NDC1: variants seen among roughly 807,000 people sequenced by gnomAD.
NDC1 encodes the protein nucleoporin NDC1.
NDC1 carries 24 observed loss-of-function variants against 89.8 expected under a neutral mutation model. That is an observed-to-expected ratio of 0.27 (90% CI 0.19 to 0.38). The LOEUF (loss-of-function observed/expected upper bound fraction) is 0.38. NDC1 is among the 10% of genes least tolerant of loss of function. The pLI, the probability that NDC1 is intolerant of heterozygous loss-of-function variation, is 1.00. For synonymous variants in NDC1, 296 were observed against 284.8 expected (o/e 1.04, Z -0.39); for missense variants, 728 against 797.6 (o/e 0.91, Z 1.05).
At chr1:53,797,971 T>C (rs1647776491) in intron 11 of NDC1, among the ~76,000 whole-genome samples, 1 of 152,004 alleles carries the variant, frequency 6.6e-6, no homozygotes, top group South Asian at 2.1e-4. Flanking sequence ...AAGGCTAATT[T>C]GCCCAGAATA....
intron 16 of NDC1, among the ~76,000 whole-genome samples, chr1:53,785,718 G>A (rs1182608497): frequency 1.3e-5 from 2 of 151,658 alleles, no homozygotes; most frequent in Non-Finnish European, 2.9e-5. Context: ...GACTATAGGT[G>A]CGCACCACCA....
At chr1:53,802,487 C>T (rs764592506) in intron 10 of NDC1, among the ~76,000 whole-genome samples, 4 of 152,056 alleles carry the variant, frequency 2.6e-5, no homozygotes, top group East Asian at 1.9e-4. Flanking sequence ...GGAAACACGG[C>T]AAGACCCTGT....
At chr1:53,805,890 C>T (rs1299590497) in intron 9 of NDC1, among the ~76,000 whole-genome samples, 4 of 152,134 alleles carry the variant, frequency 2.6e-5, no homozygotes, top group South Asian at 2.1e-4. Context: ...CTGGCTAACA[C>T]GGTGAAACCC....
At chr1:53,771,862 T>G (rs1293408827) in intron 17 of NDC1, among the ~76,000 whole-genome samples, 2 of 152,222 alleles carry the variant, frequency 1.3e-5, no homozygotes, top group Non-Finnish European at 2.9e-5. Context: ...TCTCTGGTTC[T>G]GTTTCTCAAG....
chr1:53,835,687 T>C (rs890448551), intron 1 of NDC1, 67 bp from the exon 2 acceptor site: 1 of 1,401,272 alleles, frequency 7.1e-7, no homozygotes, highest in Non-Finnish European at 9.8e-7. Flanking sequence ...GCAAATCCTA[T>C]CTTTTCATAC....
At chr1:53,813,713 A>G (rs1391039931) in intron 6 of NDC1, among the ~76,000 whole-genome samples, 1 of 152,182 alleles carries the variant, frequency 6.6e-6, no homozygotes, top group African/African-American at 2.4e-5. Flanking sequence ...GACACTAGAT[A>G]GGTTATGAGA....
At chr1:53,792,363 G>T (rs1444456028) in intron 14 of NDC1, among the ~76,000 whole-genome samples, 1 of 152,130 alleles carries the variant, frequency 6.6e-6, no homozygotes, top group Admixed American at 6.6e-5. Flanking sequence ...TTTGGTAAAG[G>T]TAATGGCTAG....
chr1:53,821,755 T>C (rs1648676107), intron 5 of NDC1, among the ~76,000 whole-genome samples: 1 of 152,234 alleles, frequency 6.6e-6, no homozygotes. Flanking sequence ...CATGCTGAAG[T>C]GTTTTTCAAT....
Position 53,797,108 on chromosome 1 carries a change from A to G in NDC1, c.1259T>C (p.Met420Thr), listed in dbSNP as rs767523513. Residue 420 changes from methionine (M) to threonine (T), a missense_variant, in exon 12 of 18, where the codon ATG becomes ACG. Physicochemically the swap from Met to Thr is moderately conservative, Grantham distance 81. Transcript: ENST00000371429. ...TAFQTPKSSQ[M>T]PRPSVPPLVK... ...TAATGGTGGCACTGAAGGCCGAGGC[A>G]TCTGGCTAGATTTTGGTGTCTGAAA... 115 of 1,614,070 alleles carry G rather than the reference A, an allele frequency of 7.1e-5. No individual in the cohort carries two copies. Among genetic ancestry groups the G allele is most frequent in the Non-Finnish European group, 9.1e-5 (107 of 1,180,008 alleles).
intron 16 of NDC1, among the ~76,000 whole-genome samples, chr1:53,785,801 C>G (rs984729036): frequency 6.6e-6 from 1 of 152,132 alleles, no homozygotes; most frequent in African/African-American, 2.4e-5. Flanking sequence ...CTCTTCATAT[C>G]TTAAATGGTT....
intron 16 of NDC1, 23 bp downstream of exon 16, chr1:53,787,135 C>A (rs1210698132): frequency 1.4e-6 from 2 of 1,413,092 alleles, no homozygotes; most frequent in Non-Finnish European, 2.0e-6. Context: ...CCTCTACCCC[C>A]TCCCAACCCA....
At chr1:53,831,734 G>C (rs891934707) in intron 3 of NDC1, among the ~76,000 whole-genome samples, 3 of 151,704 alleles carry the variant, frequency 2.0e-5, no homozygotes, top group Admixed American at 6.6e-5. Context: ...GCTTCTTATT[G>C]TATCTTTTTT....
At chr1:53,796,628 G>T in intron 13 of NDC1, 61 bp downstream of exon 13, 6 of 936,906 alleles carry the variant, frequency 6.4e-6, no homozygotes, top group African/African-American at 1.7e-5. Context: ...TTACTCATGT[G>T]AGATCCTTAA....
intron 6 of NDC1, among the ~76,000 whole-genome samples, chr1:53,810,481 G>A (rs76776153): frequency 0.029 from 4,386 of 148,866 alleles, 97 homozygotes; most frequent in Middle Eastern, 0.046. Flanking sequence ...TGCTGAAAAC[G>A]AAATTTGAAT....
intron 11 of NDC1, among the ~76,000 whole-genome samples, chr1:53,798,550 T>C (rs1647802588): frequency 1.4e-5 from 2 of 147,176 alleles, no homozygotes; most frequent in African/African-American, 4.9e-5. Flanking sequence ...ATATGACTTT[T>C]CTTTTTTTTT....
chr1:53,790,035 C>T (rs549827181), intron 14 of NDC1, among the ~76,000 whole-genome samples: 1 of 149,718 alleles, frequency 6.7e-6, no homozygotes, highest in African/African-American at 2.5e-5. Flanking sequence ...TCCAGGAGGT[C>T]GAGATTGCAG....
intron 6 of NDC1, among the ~76,000 whole-genome samples, chr1:53,811,572 C>T (rs1031837579): frequency 6.6e-6 from 1 of 152,122 alleles, no homozygotes; most frequent in East Asian, 1.9e-4. Flanking sequence ...CTCCAGTGAC[C>T]TAGGAATCTA....
intron 11 of NDC1, 27 bp from the exon 12 acceptor site, chr1:53,797,171 A>G: frequency 6.2e-7 from 1 of 1,608,356 alleles, no homozygotes; most frequent in Non-Finnish European, 8.5e-7. Context: ...CCAGTGCTGA[A>G]GAGGCAACCT....
chr1:53,831,402 G>C (rs986732226), intron 3 of NDC1, among the ~76,000 whole-genome samples: 1 of 151,794 alleles, frequency 6.6e-6, no homozygotes, highest in East Asian at 1.9e-4. Context: ...AAATGGGCTG[G>C]GTGCAGTGGC....
Sources: allele counts gnomAD v4.1 joint callset (sites outside exome capture counted in the v4.1 genomes callset), GRCh38; gene constraint gnomAD v4.1.1; transcripts MANE v1.5; gene names NCBI Gene and HGNC (gene_info 2026-07-23, HGNC 2026-07-21).